Variants in RP1L1 observed in about 807,000 individuals in gnomAD.
RP1L1 encodes the protein RP1 like 1, also known as retinitis pigmentosa 1-like 1 protein.
A neutral mutation model predicts 15.7 loss-of-function variants in RP1L1; 27 were observed. The observed-to-expected ratio is 1.72, with a 90% CI of 1.27 to 2.38. The LOEUF (loss-of-function observed/expected upper bound fraction) is 2.38. Among genes scored for constraint, RP1L1 ranks in the 30% most tolerant of loss-of-function variants. RP1L1 has a pLI of 0.00. For synonymous variants in RP1L1, 1,813 were observed against 1,276.7 expected (o/e 1.42, Z -8.96); for missense variants, 4,798 against 3,075.9 (o/e 1.56, Z -13.24).
intron 1 of RP1L1, among the ~76,000 whole-genome samples, chr8:10,653,085 G>C (rs545153240): frequency 6.6e-6 from 1 of 152,258 alleles, no homozygotes; most frequent in African/African-American, 2.4e-5. Context: ...CCACAGAGTG[G>C]TTGCTCAAGA....
intron 1 of RP1L1, among the ~76,000 whole-genome samples, chr8:10,644,403 G>C (rs1020668488): frequency 2.0e-5 from 3 of 152,178 alleles, no homozygotes; most frequent in Non-Finnish European, 2.9e-5. Flanking sequence ...CTGACCTTCT[G>C]GGCTGGGCTG....
rs754428641 is a variant in RP1L1, at chr8:10,610,810, C to A, written c.3288G>T (p.Arg1096=). ...MRALMGSKQG[R]PSSVPEVSRP... Reference sequence around the variant, plus strand: ...TAGACACTTCGGGCACGCTGCTGGGCCGGCCCTGCTTGGAGCCCATCAGCG... The same window carrying A: ...TAGACACTTCGGGCACGCTGCTGGGACGGCCCTGCTTGGAGCCCATCAGCG... The change falls in exon 4 of 4, where the codon CGG becomes CGT. Residue 1096 remains arginine (R), a synonymous_variant. Coordinates refer to ENST00000382483, the MANE Select transcript of RP1L1 (RefSeq NM_178857.6). The A allele has an allele frequency of 3.3e-5, 53 of 1,609,142 alleles. 1 individual carries two copies. The South Asian group carries it at 5.7e-4, about 17-fold the overall frequency.
Position 10,612,646 on chromosome 8 carries a change from GC to G in RP1L1, c.1451del (p.Ser484ThrfsTer6), listed in dbSNP as rs749460193. ...GCTCAGCCCCTATCTGGGCAGAGGG[GC>G]TGGCACTGTCCACCCCGTCCTCCGG... ...RTPEDGVDSA[S>X]PSAQIGAERK... On this transcript the variant is annotated frameshift_variant, in exon 4 of 4. Transcript: ENST00000382483. LOFTEE classifies it low-confidence loss of function (END_TRUNC). The G allele has an allele frequency of 7.1e-5, 114 of 1,601,658 alleles. No homozygotes were observed. The highest frequency in any genetic ancestry group is 9.6e-5 in the Non-Finnish European group (113 of 1,178,804).
intron 1 of RP1L1, among the ~76,000 whole-genome samples, chr8:10,653,522 C>A (rs1798593364): frequency 6.6e-6 from 1 of 150,668 alleles, no homozygotes; most frequent in Admixed American, 6.7e-5. Flanking sequence ...ACATGCATCA[C>A]ATGCACACAC....
Position 10,609,819 on chromosome 8 carries a change from C to A in RP1L1, c.4279G>T (p.Val1427Phe). 6.2e-7 allele frequency: 1 copy of A among 1,614,132 alleles called. No individual in the cohort carries two copies. The highest frequency in any genetic ancestry group is 8.5e-7 in the Non-Finnish European group (1 of 1,180,020). ...GCTCTTCCTGCTTCCTCCTCCTGGACTGGGTCATCTTCCTGGGAGCCTTTC... is the reference window on the plus strand; with the variant it reads ...GCTCTTCCTGCTTCCTCCTCCTGGAATGGGTCATCTTCCTGGGAGCCTTTC... Reference protein sequence around the residue: ...DGKGSQEDDPVQEEEAGRASA... With the variant: ...DGKGSQEDDPFQEEEAGRASA... Residue 1427 changes from valine to phenylalanine, a missense_variant, in exon 4 of 4, where the codon GTC (valine) becomes TTC (phenylalanine). Coordinates refer to ENST00000382483, the MANE Select transcript of RP1L1 (RefSeq NM_178857.6).
In RP1L1 at chr8:10,611,765, G is replaced by A. The variant is rs1482287521; in HGVS notation, c.2333C>T (p.Pro778Leu). The A allele has an allele frequency of 1.2e-6, 2 of 1,613,670 alleles. No homozygotes were observed. Among genetic ancestry groups the A allele is most frequent in the African/African-American group, 1.3e-5 (1 of 75,064 alleles). The change falls in exon 4 of 4, where the codon CCC (proline) becomes CTC (leucine). Residue 778 changes from proline (P) to leucine (L), a missense_variant. Pro to Leu is a moderately conservative substitution (Grantham distance 98). Coordinates refer to ENST00000382483, the MANE Select transcript of RP1L1 (RefSeq NM_178857.6). ...TTTTGAGCAGGAGTCGGATGTGTGG[G>A]GAGGTATGGGGGCCGGCGAGCATGT... ...SRTCSPAPIPPHTSDSCSKSG... is the reference protein window; with the variant it reads ...SRTCSPAPIPLHTSDSCSKSG...
chr8:10,630,987 G>C (rs1585988724), intron 1 of RP1L1, among the ~76,000 whole-genome samples: 1 of 152,200 alleles, frequency 6.6e-6, no homozygotes, highest in Admixed American at 6.5e-5. Context: ...TGCAGGTAGA[G>C]TCTTGCTCGA....
chr8:10,609,141 C>A lies in RP1L1; in HGVS notation c.4957G>T (p.Gly1653Trp). 2 of 1,613,640 alleles carry A rather than the reference C, an allele frequency of 1.2e-6. No individual in the cohort carries two copies. Among genetic ancestry groups the A allele is most frequent in the East Asian group, 2.2e-5 (1 of 44,866 alleles). The stretch of plus-strand genomic sequence containing the variant: ...GCCTCGCAGGGACAGAACTCCTCCC[C>A]CTCCGCCTCCTCGCCCAGCTGGCTC... Reference protein sequence around the residue: ...LGSQLGEEAEGEEFCPCEACV... With the variant: ...LGSQLGEEAEWEEFCPCEACV... Residue 1653 changes from glycine to tryptophan, a missense_variant, in exon 4 of 4, where the codon GGG (glycine) becomes TGG (tryptophan). Coordinates refer to ENST00000382483, the MANE Select transcript of RP1L1 (RefSeq NM_178857.6).
At chr8:10,631,344 C>CGCACACAT (rs1563135321) in intron 1 of RP1L1, among the ~76,000 whole-genome samples, 6 of 58,230 alleles carry the variant, frequency 1.0e-4, no homozygotes, top group African/African-American at 2.5e-4. Context: ...TGCACACACA[C>CGCACACAT]GCACACACAT....
chr8:10,636,561 G>C (rs1169990190), intron 1 of RP1L1, among the ~76,000 whole-genome samples: 1 of 152,162 alleles, frequency 6.6e-6, no homozygotes, highest in Non-Finnish European at 1.5e-5. Context: ...TGACCACCAA[G>C]AGGACTCTCC....
intron 1 of RP1L1, among the ~76,000 whole-genome samples, chr8:10,626,856 A>T (rs767591596): frequency 4.6e-5 from 7 of 152,168 alleles, no homozygotes; most frequent in Non-Finnish European, 1.0e-4. Flanking sequence ...GGGTGCTGAG[A>T]GCGGCAGGAG....
chr8:10,635,499 T>C (rs763404312), intron 1 of RP1L1, among the ~76,000 whole-genome samples: 14 of 152,204 alleles, frequency 9.2e-5, no homozygotes, highest in Non-Finnish European at 1.8e-4. Context: ...TCCTCCACTC[T>C]ACAAATCCCT....
In RP1L1 at chr8:10,613,238, G is replaced by A; in HGVS notation, c.860C>T (p.Pro287Leu). The stretch of plus-strand genomic sequence containing the variant: ...GTCCTGAGGGTGCCTGCCAGGAGCA[G>A]GGCCCACCGGGGGGTTGCTAGGACC... ...RPGPSNPPVG[P>L]APGRHPQDTP... is the part of the protein sequence containing the mutation. Residue 287 changes from proline (P) to leucine (L), a missense_variant, in exon 4 of 4, where the codon CCT becomes CTT. Pro to Leu is a moderately conservative substitution (Grantham distance 98). Coordinates refer to ENST00000382483, the MANE Select transcript of RP1L1 (RefSeq NM_178857.6). 1 of 1,612,612 alleles carries A rather than the reference G, an allele frequency of 6.2e-7. No homozygotes were observed. The highest frequency in any genetic ancestry group is 8.5e-7 in the Non-Finnish European group (1 of 1,180,018).
chr8:10,649,677 G>A (rs890791117), intron 1 of RP1L1, among the ~76,000 whole-genome samples: 4 of 152,200 alleles, frequency 2.6e-5, no homozygotes, highest in East Asian at 1.9e-4. Flanking sequence ...GCAGGAGTAC[G>A]AGACCAGCCT....
chr8:10,613,116 G>C lies in RP1L1; in HGVS notation c.982C>G (p.Arg328Gly), dbSNP rs374588944. ...DGSLSVEMKV[R>G]FHLVGEDTLL... ...GTGTCCTCGCCGACCAGGTGGAAGCGGACTTTCATCTCCACGGACAGGCTG... is the reference window on the plus strand; with the variant it reads ...GTGTCCTCGCCGACCAGGTGGAAGCCGACTTTCATCTCCACGGACAGGCTG... Residue 328 changes from arginine to glycine, a missense_variant, in exon 4 of 4, where the codon CGC becomes GGC. Physicochemically the swap from Arg to Gly is moderately radical, Grantham distance 125 (BLOSUM62 -2). Transcript: ENST00000382483. The C allele has an allele frequency of 4.3e-6, 7 of 1,613,826 alleles. No homozygotes were observed. The African/African-American group carries it at 9.3e-5, about 22-fold the overall frequency.
intron 1 of RP1L1, among the ~76,000 whole-genome samples, chr8:10,645,281 C>T (rs922859662): frequency 3.3e-5 from 5 of 152,136 alleles, no homozygotes; most frequent in African/African-American, 7.2e-5. Flanking sequence ...GAGCTATGAT[C>T]GCCCCACTGC....
At chr8:10,631,169 C>A (rs927626582) in intron 1 of RP1L1, among the ~76,000 whole-genome samples, 2 of 151,938 alleles carry the variant, frequency 1.3e-5, no homozygotes, top group Admixed American at 1.3e-4. Flanking sequence ...ACGGCCCAGG[C>A]GAGAATGTTG....
In RP1L1 at chr8:10,616,503, T is replaced by A. The variant is rs755599651; in HGVS notation, c.694A>T (p.Asn232Tyr). The A allele has an allele frequency of 1.2e-6, 2 of 1,614,106 alleles. No homozygotes were observed. The highest frequency in any genetic ancestry group is 2.2e-5 in the South Asian group (2 of 91,094). ...GTTTCAGCCTCGCTTCTCCTGGCAT[T>A]TTTCATGGCTGGGGTTCTGAAGGCC... ...HEAFRTPAMK[N>Y]ARRSEAETLS... Residue 232 changes from asparagine (N) to tyrosine (Y), a missense_variant, in exon 3 of 4, where the codon AAT becomes TAT. By Grantham distance (143) the Asn-to-Tyr change is moderately radical. Coordinates refer to ENST00000382483, the MANE Select transcript of RP1L1 (RefSeq NM_178857.6).
chr8:10,608,064 C>T lies in RP1L1; in HGVS notation c.6034G>A (p.Ala2012Thr), dbSNP rs778483463. The T allele has an allele frequency of 1.9e-6, 3 of 1,612,688 alleles. No individual in the cohort carries two copies. Among genetic ancestry groups the T allele is most frequent in the East Asian group, 4.5e-5 (2 of 44,738 alleles). ...GACTCTGGCTGGGCCTCCTCTTCTG[C>T]CTCTTGCATCTCCCCTTCAGCCTCT... The part of the protein sequence containing the change: ...APEAEGEMQE[A>T]EEEAQPESDG... Residue 2012 changes from alanine to threonine, a missense_variant, in exon 4 of 4, where the codon GCA becomes ACA. Physicochemically the swap from Ala to Thr is moderately conservative, Grantham distance 58. Coordinates refer to ENST00000382483, the MANE Select transcript of RP1L1 (RefSeq NM_178857.6).
Sources: gnomAD v4.1 joint callset for allele counts (sites outside exome capture counted in the v4.1 genomes callset) on GRCh38, gnomAD v4.1.1 for gene constraint, MANE v1.5 for transcripts, NCBI Gene and HGNC (gene_info 2026-07-23, HGNC 2026-07-21) for gene names.